Variants in AKAP8 observed in about 807,000 individuals in gnomAD.
AKAP8 encodes the protein A-kinase anchor protein 8.
Under a neutral mutation model 67.5 loss-of-function variants are expected in AKAP8, and 24 were observed. The observed-to-expected ratio is 0.36, with a 90% CI of 0.26 to 0.50. AKAP8 has a LOEUF of 0.50. Ranked by LOEUF, AKAP8 falls within the 20% of genes least tolerant of loss-of-function variation. The probability of loss-of-function intolerance (pLI) is 0.97; values close to 1 mark genes in which losing one functional copy is unlikely to be tolerated. For missense variants in AKAP8, 971 were observed against 955.9 expected (o/e 1.02, Z -0.21); for synonymous variants, 400 against 371.1 (o/e 1.08, Z -0.90).
chr19:15,376,929 G>T, intron 2 of AKAP8, 47 bp downstream of exon 2: 1 of 1,594,364 alleles, frequency 6.3e-7, no homozygotes. Flanking sequence ...CTAGGGCCTT[G>T]AGTTAGGGGA....
chr19:15,358,842 G>A, intron 13 of AKAP8, 125 bp downstream of exon 13: 1 of 838,692 alleles, frequency 1.2e-6, no homozygotes, highest in Non-Finnish European at 2.0e-6. Flanking sequence ...ATGCATTCCA[G>A]TGTCCCTCAA....
intron 8 of AKAP8, 49 bp downstream of exon 8, chr19:15,370,097 G>C (rs1176663559): frequency 1.2e-6 from 2 of 1,610,494 alleles, no homozygotes; most frequent in African/African-American, 2.7e-5. Context: ...GTAAGTGCGG[G>C]GCAGCTGGGA....
chr19:15,366,228 C>T (rs934521085), intron 9 of AKAP8, among the ~76,000 whole-genome samples: 2 of 149,468 alleles, frequency 1.3e-5, no homozygotes, highest in Non-Finnish European at 3.0e-5. Flanking sequence ...TCTGGGAGGC[C>T]AACGCAGGAA....
chr19:15,355,092 T>G lies in AKAP8; in HGVS notation c.1902A>C (p.Ala634=). The change falls in exon 14 of 14, where the codon GCA becomes GCC. Residue 634 remains alanine, a synonymous_variant. Coordinates refer to ENST00000269701, the MANE Select transcript of AKAP8 (RefSeq NM_005858.4). ...TGGCCTTGGGGACGCCCTTCTCATG[T>G]GCCGTTCCACAGGGCACCTGCTCTT... is the stretch of plus-strand genomic sequence containing the variant. ...LLEEQVPCGT[A]HEKGVPKARS... The G allele has an allele frequency of 6.2e-7, 1 of 1,614,018 alleles. No individual in the cohort carries two copies. The highest frequency in any genetic ancestry group is 2.2e-5 in the East Asian group (1 of 44,888).
At chr19:15,368,953 C>T (rs565258067) in intron 8 of AKAP8, 535 of 985,896 alleles carry the variant, frequency 5.4e-4, no homozygotes, top group Non-Finnish European at 6.0e-4. Context: ...TCCCGTCCGT[C>T]CCCCGGGGCC....
At chr19:15,372,469 A>G in intron 5 of AKAP8, 122 bp from the exon 6 acceptor site, 7 of 1,345,120 alleles carry the variant, frequency 5.2e-6, no homozygotes, top group Non-Finnish European at 6.0e-6. Flanking sequence ...CAAAAAGCAA[A>G]GAGACAACAT....
At chr19:15,379,588 C>A (rs1967334688) in intron 1 of AKAP8, 125 bp downstream of exon 1, 1 of 1,150,212 alleles carries the variant, frequency 8.7e-7, no homozygotes, top group African/African-American at 1.6e-5. Context: ...GGCCGCCTCT[C>A]CGGAGGGCCC....
chr19:15,356,829 TA>T (rs1195382105), intron 13 of AKAP8, among the ~76,000 whole-genome samples: 3 of 151,816 alleles, frequency 2.0e-5, no homozygotes, highest in Non-Finnish European at 4.4e-5. Flanking sequence ...AAGACTGTCT[TA>T]AAAAATTAGC....
chr19:15,353,929 TA>T lies in AKAP8; in HGVS notation c.*985del, dbSNP rs1223347853. On this transcript the variant is annotated 3_prime_UTR_variant, in exon 14 of 14. Transcript: ENST00000269701. Reference sequence around the variant, plus strand: ...CTAAAATGAAACATATATTTCATTTTATATATATATATATATATTACAGATA... The same window carrying T: ...CTAAAATGAAACATATATTTCATTTTTATATATATATATATATTACAGATA... 3.7e-3 allele frequency: 24 copies of T among 6,550 alleles called. No homozygotes were observed. The highest frequency in any genetic ancestry group is 0.01 in the African/African-American group (18 of 1,778). 0.4% of individuals were successfully genotyped at this position (6,550 alleles called of 1,614,324 possible).
At chr19:15,364,264 C>T (rs1264545139) in intron 9 of AKAP8, among the ~76,000 whole-genome samples, 3 of 148,294 alleles carry the variant, frequency 2.0e-5, no homozygotes, top group Non-Finnish European at 1.5e-5. Flanking sequence ...CAGGTTCAAG[C>T]GATTCTCCTG....
Position 15,371,938 on chromosome 19 carries a change from C to A in AKAP8, c.1038+14G>T. 6.2e-7 allele frequency: 1 copy of A among 1,613,860 alleles called. No individual in the cohort carries two copies. On this transcript the variant is annotated intron_variant, in intron 7 of 13. Coordinates refer to ENST00000269701, the MANE Select transcript of AKAP8 (RefSeq NM_005858.4). ...TCCCACACTAGAGGCAAAAGGGCTG[C>A]CTGGTGGACTTACACCCTTGAATTC...
chr19:15,356,291 G>C (rs1410301939), intron 13 of AKAP8, among the ~76,000 whole-genome samples: 1 of 151,952 alleles, frequency 6.6e-6, no homozygotes, highest in Non-Finnish European at 1.5e-5. Flanking sequence ...TGTAGTCCCA[G>C]CTACTCGGGA....
Position 15,354,576 on chromosome 19 carries a change from T to A in AKAP8, c.*339A>T. The A allele has an allele frequency of 3.9e-6, 1 of 254,382 alleles. No individual in the cohort carries two copies. The highest frequency in any genetic ancestry group is 7.5e-6 in the Non-Finnish European group (1 of 133,450). 15.8% of individuals were successfully genotyped at this position (254,382 alleles called of 1,614,324 possible). A position where few individuals can be genotyped will look rare whatever the true frequency, so the allele number is the denominator to read the frequency against. Reference sequence around the variant, plus strand: ...TAAAAAAAAAAATTAAGGAAAAAAATAAAAAAGGAAGCATTCCATCAGTGG... The same window carrying A: ...TAAAAAAAAAAATTAAGGAAAAAAAAAAAAAAGGAAGCATTCCATCAGTGG... On this transcript the variant is annotated 3_prime_UTR_variant, in exon 14 of 14. Coordinates refer to ENST00000269701, the MANE Select transcript of AKAP8 (RefSeq NM_005858.4).
At chr19:15,377,083 C>T (rs1031488442) in intron 1 of AKAP8, 69 bp from the exon 2 acceptor site, 2 of 1,539,130 alleles carry the variant, frequency 1.3e-6, no homozygotes, top group Admixed American at 3.7e-5. Context: ...TGGGGGTACT[C>T]CTAAAGGGAT....
intron 9 of AKAP8, among the ~76,000 whole-genome samples, 176 bp from the exon 10 acceptor site, chr19:15,362,427 GCTGCCAT>G (rs1966984574): frequency 2.3e-5 from 1 of 43,478 alleles, no homozygotes; most frequent in South Asian, 6.4e-4. Context: ...GGACGGTACT[GCTGCCAT>G]CTCGGCTCAC....
chr19:15,374,474 T>G, intron 3 of AKAP8, 129 bp downstream of exon 3: 3 of 1,148,018 alleles, frequency 2.6e-6, no homozygotes, highest in Non-Finnish European at 3.7e-6. Context: ...ACAGCAGCCG[T>G]GGCTGACTGC....
intron 7 of AKAP8, 142 bp from the exon 8 acceptor site, chr19:15,370,321 G>C (rs1442738872): frequency 4.6e-6 from 4 of 878,466 alleles, no homozygotes; most frequent in Non-Finnish European, 7.3e-6. Context: ...GCCACAGTGT[G>C]TTAGGACCAG....
chr19:15,361,875 G>A, intron 10 of AKAP8, 53 bp from the exon 11 acceptor site: 1 of 1,537,964 alleles, frequency 6.5e-7, no homozygotes, highest in Non-Finnish European at 9.0e-7. Flanking sequence ...GCGCATGTGG[G>A]CATTTCTCAA....
At chr19:15,357,124 AT>A (rs923405254) in intron 13 of AKAP8, among the ~76,000 whole-genome samples, 3 of 148,750 alleles carry the variant, frequency 2.0e-5, no homozygotes, top group Admixed American at 6.7e-5. Context: ...CGCCTGGCTA[AT>A]TTTTTTTTTA....
Sources: allele counts gnomAD v4.1 joint callset (sites outside exome capture counted in the v4.1 genomes callset), GRCh38; gene constraint gnomAD v4.1.1; transcripts MANE v1.5; gene names NCBI Gene and HGNC (gene_info 2026-07-23, HGNC 2026-07-21).